ANKHD1: variants seen among roughly 807,000 people sequenced by gnomAD.
ANKHD1 encodes ankyrin repeat and KH domain-containing protein 1.
A neutral mutation model predicts 230.5 loss-of-function variants in ANKHD1; 31 were observed. The observed-to-expected ratio is 0.13, with a 90% CI of 0.10 to 0.18. ANKHD1 has a LOEUF of 0.18. Among genes scored for constraint, ANKHD1 ranks in the 10% least tolerant of loss-of-function variants. ANKHD1 has a pLI of 1.00. For synonymous variants in ANKHD1, 1,074 were observed against 1,117.6 expected, an observed-to-expected ratio of 0.96 and a Z score of 0.78; for missense variants, 2,256 against 3,071.3, an observed-to-expected ratio of 0.73 and a Z score of 6.27.
At chr5:140,510,257 T>TAA in intron 22 of ANKHD1, 76 bp downstream of exon 22, 3 of 1,464,302 alleles carry the variant, frequency 2.0e-6, no homozygotes, top group Non-Finnish European at 2.7e-6. Context: ...GATAAGTTTA[T>TAA]CTTGGAGAAT....
At chr5:140,473,010 T>G (rs1750748294) in intron 10 of ANKHD1, among the ~76,000 whole-genome samples, 2 of 150,240 alleles carry the variant, frequency 1.3e-5, no homozygotes, top group African/African-American at 2.4e-5. Context: ...ACAAATAACT[T>G]AGGCCATCTA....
intron 25 of ANKHD1, 110 bp downstream of exon 25, chr5:140,524,350 T>TA (rs1753503398): frequency 7.1e-7 from 1 of 1,399,050 alleles, no homozygotes; most frequent in Admixed American, 3.7e-5. Context: ...ATTACTTTAT[T>TA]AATCTGAAAT....
intron 9 of ANKHD1, among the ~76,000 whole-genome samples, chr5:140,463,151 GT>G (rs1302501299): frequency 6.6e-6 from 1 of 151,814 alleles, no homozygotes; most frequent in Admixed American, 6.6e-5. Context: ...GCCTGGCCCT[GT>G]TTTTTTGTTT....
intron 1 of ANKHD1, among the ~76,000 whole-genome samples, chr5:140,422,223 A>C (rs1772036996): frequency 6.6e-6 from 1 of 152,076 alleles, no homozygotes; most frequent in African/African-American, 2.4e-5. Flanking sequence ...CCTGGGTACA[A>C]GCAATTCTCC....
chr5:140,449,150 T>C, intron 6 of ANKHD1, 61 bp from the exon 7 acceptor site: 1 of 1,494,546 alleles, frequency 6.7e-7, no homozygotes, highest in Admixed American at 2.1e-5. Context: ...ATTCCATACC[T>C]CAATATTTAA....
intron 1 of ANKHD1, among the ~76,000 whole-genome samples, chr5:140,434,286 A>AT (rs1020064013): frequency 9.3e-5 from 14 of 150,966 alleles, no homozygotes; most frequent in African/African-American, 3.4e-4. Flanking sequence ...TTGAAACCTT[A>AT]TTTTTTTTGT....
rs1159198315 is a variant in ANKHD1 at position 140,527,810 on chromosome 5, G to C, written c.5088-63G>C. 6.6e-7 allele frequency: 1 copy of C among 1,524,328 alleles called. No homozygotes were observed. Among genetic ancestry groups the C allele is most frequent in the Admixed American group, 2.1e-5 (1 of 48,310 alleles). The allele number at this position is 1,524,328 out of a possible 1,614,324, so 94.4% of individuals were successfully genotyped here. ...AAATGTCCATGAACATACTTACTAA[G>C]ACATCTTTCTTAATAAAGAGACATT... On this transcript the variant is annotated intron_variant, in intron 27 of 33. Coordinates refer to ENST00000360839, the MANE Select transcript of ANKHD1 (RefSeq NM_017747.3). This position sits in a 1 kb window ranked among gnomAD's most constrained non-coding sequence, Gnocchi z 4.5.
Position 140,458,945 on chromosome 5 carries a change from CATATATAT to C in ANKHD1, c.1480+110_1480+117del, listed in dbSNP as rs540544442. 1.5e-3 allele frequency: 128 copies of C among 83,820 alleles called. 1 individual carries two copies. Among genetic ancestry groups the C allele is most frequent in the African/African-American group, 6.4e-3 (110 of 17,216 alleles). The allele number at this position is 83,820 out of a possible 1,614,324, so 5.2% of individuals were successfully genotyped here. On this transcript the variant is annotated intron_variant, in intron 8 of 33. Coordinates refer to ENST00000360839, the MANE Select transcript of ANKHD1 (RefSeq NM_017747.3). The stretch of plus-strand genomic sequence containing the variant: ...TACTGGTGAAGTTTACTACAGCTAG[CATATATAT>C]ATATATATATATATATATATATATA...
chr5:140,457,479 A>G (rs1234622753), intron 7 of ANKHD1, among the ~76,000 whole-genome samples: 1 of 152,232 alleles, frequency 6.6e-6, no homozygotes, highest in Non-Finnish European at 1.5e-5. Flanking sequence ...GATAGACTGG[A>G]TTAAGAAAAT....
chr5:140,524,251 A>G lies in ANKHD1; in HGVS notation c.4492+11A>G. 6.4e-7 allele frequency: 1 copy of G among 1,554,520 alleles called. No homozygotes were observed. The highest frequency in any genetic ancestry group is 8.6e-7 in the Non-Finnish European group (1 of 1,161,628). On this transcript the variant is annotated intron_variant, in intron 25 of 33. Transcript: ENST00000360839. ...AGAATGATGAAGATGGTGAGAAACAAACCATCTGAATTAACGATAAAATTC... is the reference window on the plus strand; with the variant it reads ...AGAATGATGAAGATGGTGAGAAACAGACCATCTGAATTAACGATAAAATTC...
intron 14 of ANKHD1, among the ~76,000 whole-genome samples, chr5:140,493,390 T>C (rs1236513033): frequency 6.6e-6 from 1 of 152,208 alleles, no homozygotes; most frequent in Non-Finnish European, 1.5e-5. Context: ...TAGTACTTTA[T>C]GATATCATTC....
intron 17 of ANKHD1, 89 bp downstream of exon 17, chr5:140,505,322 C>T: frequency 7.2e-7 from 1 of 1,381,234 alleles, no homozygotes; most frequent in Non-Finnish European, 1.0e-6. Flanking sequence ...CCTAGACTAT[C>T]TCAGTGATAA....
At chr5:140,484,284 A>T (rs777621329) in intron 11 of ANKHD1, among the ~76,000 whole-genome samples, 7 of 152,206 alleles carry the variant, frequency 4.6e-5, no homozygotes, top group Non-Finnish European at 1.0e-4. Flanking sequence ...TCTAGTTGAG[A>T]TCTTTTGGAA....
intron 25 of ANKHD1, 121 bp from the exon 26 acceptor site, chr5:140,525,875 C>A (rs1753586838): frequency 6.2e-6 from 7 of 1,124,314 alleles, no homozygotes; most frequent in Non-Finnish European, 8.4e-6. Context: ...TTAGTGAATA[C>A]TGGTGAAAGG....
intron 22 of ANKHD1, among the ~76,000 whole-genome samples, chr5:140,512,093 A>G (rs960690579): frequency 1.4e-4 from 22 of 152,024 alleles, no homozygotes; most frequent in Non-Finnish European, 8.8e-5. Flanking sequence ...AAAATTAGCC[A>G]GGCGTGATGG....
chr5:140,421,637 G>GT (rs1771993213), intron 1 of ANKHD1, among the ~76,000 whole-genome samples: 3 of 152,088 alleles, frequency 2.0e-5, no homozygotes. Flanking sequence ...TTAAGGAGGT[G>GT]TAAATTCAAT....
At chr5:140,407,034 C>A (rs1029668508) in intron 1 of ANKHD1, among the ~76,000 whole-genome samples, 1 of 152,082 alleles carries the variant, frequency 6.6e-6, no homozygotes, top group South Asian at 2.1e-4. Flanking sequence ...CGGTGGCTAA[C>A]GCCTGTAATC....
intron 17 of ANKHD1, 49 bp from the exon 18 acceptor site, chr5:140,505,675 A>G (rs1752507397): frequency 6.4e-7 from 1 of 1,553,080 alleles, no homozygotes; most frequent in Non-Finnish European, 8.6e-7. Context: ...TGGCTTTAAA[A>G]TAAAATAAAA....
rs568871960 is a variant in ANKHD1 at position 140,454,664 on chromosome 5, C to T, written c.1243-3961C>T. ...AAATAAAGATGTTCTTTGAAACCAA[C>T]AAGAACAAAGACACAACATACCAGA... is the stretch of plus-strand genomic sequence containing the variant. On this transcript the variant is annotated intron_variant, in intron 7 of 33. Transcript: ENST00000360839. Among the ~76,000 whole-genome samples the T allele has an allele frequency of 7.9e-5, 12 of 152,198 alleles. No individual in the cohort carries two copies. The South Asian group carries it at 2.3e-3, about 29-fold the overall frequency.
Sources: allele counts gnomAD v4.1 joint callset (sites outside exome capture counted in the v4.1 genomes callset), GRCh38; gene constraint gnomAD v4.1.1; non-coding constraint Gnocchi (gnomAD v3.1); transcripts MANE v1.5; gene names NCBI Gene and HGNC (gene_info 2026-07-23, HGNC 2026-07-21).